Variants in CPLANE1 observed in about 807,000 individuals in gnomAD.
CPLANE1 encodes the protein ciliogenesis and planar polarity effector 1.
Under a neutral mutation model 362.5 loss-of-function variants are expected in CPLANE1, and 263 were observed. That is an observed-to-expected ratio of 0.73 (90% CI 0.66 to 0.80). The LOEUF (loss-of-function observed/expected upper bound fraction) is 0.80. Among genes scored for constraint, CPLANE1 ranks in the 30% least tolerant of loss-of-function variants. The probability of loss-of-function intolerance (pLI) is 0.00; values close to 1 mark genes in which losing one functional copy is unlikely to be tolerated. For synonymous variants in CPLANE1, 1,212 were observed against 1,302.6 expected (o/e 0.93, Z 1.50); for missense variants, 3,461 against 3,793.4 (o/e 0.91, Z 2.30).
intron 8 of CPLANE1, among the ~76,000 whole-genome samples, chr5:37,233,513 C>T (rs893110951): frequency 1.3e-5 from 2 of 152,012 alleles, no homozygotes; most frequent in African/African-American, 4.8e-5. Context: ...ACAGGGGAGA[C>T]CAAGCTCTCC....
At position 37,195,970 on chromosome 5, in the gene CPLANE1, TGAAG is replaced by T; in HGVS notation, c.3695_3698del (p.Pro1232HisfsTer2). On this transcript the variant is annotated frameshift_variant, in exon 21 of 53. Coordinates refer to ENST00000651892, the MANE Select transcript of CPLANE1 (RefSeq NM_001384732.1). Reference sequence around the variant, plus strand: ...GTAATGACTGAGGAAAAGGACTCAGTGAAGGAAGGGATCCTTTCATTCGAATCTA... The same window carrying T: ...GTAATGACTGAGGAAAAGGACTCAGTGAAGGGATCCTTTCATTCGAATCTA... 1 of 1,608,440 alleles carries T rather than the reference TGAAG, an allele frequency of 6.2e-7. No individual in the cohort carries two copies. The highest frequency in any genetic ancestry group is 8.5e-7 in the Non-Finnish European group (1 of 1,178,326).
rs753444014 is a variant in CPLANE1 at position 37,157,371 on chromosome 5, T to C, written c.8061A>G (p.Thr2687=). Residue 2687 remains threonine (T), a synonymous_variant, in exon 41 of 53, where the codon ACA becomes ACG. Coordinates refer to ENST00000651892, the MANE Select transcript of CPLANE1 (RefSeq NM_001384732.1). ...AGGTGACACTAGGCTCCTTCACTTC[T>C]GTAATGCCTGCTCTCAAGCTTTTTC... The part of the protein sequence containing the change: ...LDGKSLRAGI[T]EVKEPSVTSP... The C allele has an allele frequency of 4.3e-6, 6 of 1,407,576 alleles. No homozygotes were observed. In the African/African-American group the frequency reaches 7.1e-5, roughly 17 times the overall value. 87.2% of individuals were successfully genotyped at this position (1,407,576 alleles called of 1,614,324 possible). A position where few individuals can be genotyped will look rare whatever the true frequency, so the allele number is the denominator to read the frequency against.
At chr5:37,146,697 T>C (rs1771716301) in intron 43 of CPLANE1, among the ~76,000 whole-genome samples, 1 of 151,950 alleles carries the variant, frequency 6.6e-6, no homozygotes, top group African/African-American at 2.4e-5. Context: ...GAAGAGTGGG[T>C]GGGTGTATAG....
At chr5:37,093,836 C>G in the CPLANE1 span, among the ~76,000 whole-genome samples, 6 of 152,162 alleles carry the variant, frequency 3.9e-5, no homozygotes, top group East Asian at 1.9e-4. Flanking sequence ...AGGCCAAAAG[C>G]TTTTTGCAAA....
intron 46 of CPLANE1, among the ~76,000 whole-genome samples, chr5:37,128,084 G>C (rs569547306): frequency 6.6e-6 from 1 of 152,098 alleles, no homozygotes; most frequent in African/African-American, 2.4e-5. Flanking sequence ...TCCTTCTCAG[G>C]GAAGGAAGCA....
At chr5:37,147,964 G>T (rs1772186497) in intron 43 of CPLANE1, among the ~76,000 whole-genome samples, 1 of 87,712 alleles carries the variant, frequency 1.1e-5, no homozygotes, top group Non-Finnish European at 1.9e-5. Context: ...GGAGGTTACT[G>T]CCTTCTCAAA....
At chr5:37,105,026 G>A (rs1327127832), downstream of CPLANE1, among the ~76,000 whole-genome samples, 5 of 152,176 alleles carry the variant, frequency 3.3e-5, no homozygotes, top group Admixed American at 2.6e-4. Context: ...AATAGGTTGG[G>A]TGCAGTGGCC....
At chr5:37,243,509 G>A (rs1219137907) in intron 5 of CPLANE1, among the ~76,000 whole-genome samples, 2 of 151,480 alleles carry the variant, frequency 1.3e-5, no homozygotes, top group Non-Finnish European at 2.9e-5. Context: ...ATAAAATGCT[G>A]GTCCACACAT....
intron 21 of CPLANE1, among the ~76,000 whole-genome samples, chr5:37,189,271 A>C (rs565837057): frequency 2.0e-5 from 3 of 152,322 alleles, no homozygotes; most frequent in Non-Finnish European, 4.4e-5. Context: ...GAACAGTTTG[A>C]CATTATGGAA....
Position 37,138,778 on chromosome 5 carries a change from T to A in CPLANE1, c.8734A>T (p.Lys2912Ter), listed in dbSNP as rs1356697325. Residue 2912 changes from lysine to a stop codon, truncating the protein, a stop_gained, in exon 46 of 53, where the codon AAA becomes TAA. Coordinates refer to ENST00000651892, the MANE Select transcript of CPLANE1 (RefSeq NM_001384732.1). LOFTEE classifies it high-confidence loss of function. ...AGTTCTTCACTGGAAACTCCGTCTT[T>A]AATTATAAGGTCATCAATAATGTCT... Reference protein sequence around the residue: ...IADIIDDLIIKDGVSSEELGL... With the variant: ...IADIIDDLII 16 of 1,613,210 alleles carry A rather than the reference T, an allele frequency of 9.9e-6. No homozygotes were observed. Among genetic ancestry groups the A allele is most frequent in the Non-Finnish European group, 1.4e-5 (16 of 1,179,628 alleles).
chr5:37,226,883 GA>G lies in CPLANE1; in HGVS notation c.1711del (p.Ser571LeufsTer12), dbSNP rs1474563994. On this transcript the variant is annotated frameshift_variant, in exon 12 of 53. Transcript: ENST00000651892. LOFTEE classifies it high-confidence loss of function. The stretch of plus-strand genomic sequence containing the variant: ...CGCTGCAAGTAGACTTTTCTGGATA[GA>G]ATGCAGTTCTGTAATGGTTCTATCT... Reference protein sequence around the residue: ...ETDRTITELHSIQKSLLAAWT... With the variant: ...ETDRTITELHXIQKSLLAAWT... 1 of 1,551,310 alleles carries G rather than the reference GA, an allele frequency of 6.4e-7. No individual in the cohort carries two copies. Among genetic ancestry groups the G allele is most frequent in the East Asian group, 2.4e-5 (1 of 40,892 alleles).
In CPLANE1 at chr5:37,171,166, G is replaced by T. The variant is rs574429222; in HGVS notation, c.6172-835C>A. Among the ~76,000 whole-genome samples the T allele has an allele frequency of 2.0e-5, 3 of 152,240 alleles. No individual in the cohort carries two copies. In the South Asian group the frequency reaches 6.2e-4, roughly 32 times the overall value. On this transcript the variant is annotated intron_variant, in intron 32 of 52. Transcript: ENST00000651892. ...CCCTATCAATAATCGCAATGTCTGA[G>T]GATAGGAACCAGCATCTGTATTCAT... is the stretch of plus-strand genomic sequence containing the variant.
At chr5:37,143,020 C>T (rs1580120431) in intron 43 of CPLANE1, among the ~76,000 whole-genome samples, 1 of 152,222 alleles carries the variant, frequency 6.6e-6, no homozygotes, top group East Asian at 1.9e-4. Flanking sequence ...TCTGCATGGA[C>T]AGCAGCTGAG....
chr5:37,148,956 C>G (rs1052743090), intron 42 of CPLANE1, among the ~76,000 whole-genome samples: 3 of 152,094 alleles, frequency 2.0e-5, no homozygotes, highest in Non-Finnish European at 4.4e-5. Context: ...GAGGCAAAGG[C>G]AGGAGAATTG....
intron 44 of CPLANE1, chr5:37,141,708 T>C (rs1769773248): frequency 1.0e-6 from 1 of 984,208 alleles, no homozygotes; most frequent in Non-Finnish European, 1.2e-6. Context: ...CTGTCAGTGA[T>C]TGAACTGATG....
chr5:37,100,260 T>A, the CPLANE1 span, among the ~76,000 whole-genome samples: 122 of 152,362 alleles, frequency 8.0e-4, no homozygotes, highest in African/African-American at 2.8e-3. Context: ...TTTAAATCTT[T>A]AATCCATCTT....
At chr5:37,190,175 T>C (rs1785127441) in intron 21 of CPLANE1, among the ~76,000 whole-genome samples, 1 of 152,078 alleles carries the variant, frequency 6.6e-6, no homozygotes, top group Non-Finnish European at 1.5e-5. Flanking sequence ...TGTAACCAAC[T>C]GAAACCAGAA....
At chr5:37,091,479 G>A in the CPLANE1 span, among the ~76,000 whole-genome samples, 3 of 152,176 alleles carry the variant, frequency 2.0e-5, no homozygotes, top group Non-Finnish European at 4.4e-5. Flanking sequence ...CCAAGGACAA[G>A]CCATAGTAGA....
chr5:37,190,209 C>T (rs192342536), intron 21 of CPLANE1, among the ~76,000 whole-genome samples: 1 of 151,854 alleles, frequency 6.6e-6, no homozygotes, highest in African/African-American at 2.4e-5. Context: ...ACTAGACAAA[C>T]GATCGAGTTT....
Sources: gnomAD v4.1 joint callset for allele counts (sites outside exome capture counted in the v4.1 genomes callset) on GRCh38, gnomAD v4.1.1 for gene constraint, MANE v1.5 for transcripts, NCBI Gene and HGNC (gene_info 2026-07-23, HGNC 2026-07-21) for gene names.